The following RCOR1 variants were observed in gnomAD, a reference collection of about 807,000 sequenced individuals.
The protein encoded by RCOR1 is REST corepressor.
RCOR1 carries 12 observed loss-of-function variants against 64.0 expected under a neutral mutation model. The observed-to-expected ratio is 0.19, with a 90% CI of 0.12 to 0.30. The LOEUF (loss-of-function observed/expected upper bound fraction) is 0.30. Ranked by LOEUF, RCOR1 falls within the 10% of genes least tolerant of loss-of-function variation. The pLI is 1.00. For synonymous variants in RCOR1, 279 were observed against 227.2 expected (o/e 1.23, Z -2.05); for missense variants, 502 against 621.2 (o/e 0.81, Z 2.04).
intron 2 of RCOR1, among the ~76,000 whole-genome samples, chr14:102,677,648 CG>C (rs1490497052): frequency 7.4e-6 from 1 of 135,900 alleles, no homozygotes; most frequent in African/African-American, 2.8e-5. Flanking sequence ...GGGATGGCGG[CG>C]GGGAAGAGGC....
intron 3 of RCOR1, among the ~76,000 whole-genome samples, chr14:102,690,135 C>G (rs1895501583): frequency 6.6e-6 from 1 of 151,374 alleles, no homozygotes; most frequent in Non-Finnish European, 1.5e-5. Context: ...TGTCAAAAGA[C>G]AAGTTTAAGT....
intron 2 of RCOR1, among the ~76,000 whole-genome samples, chr14:102,597,361 C>T (rs1483498807): frequency 2.6e-5 from 4 of 151,058 alleles, no homozygotes; most frequent in Non-Finnish European, 5.9e-5. Flanking sequence ...CAGAGTCTCG[C>T]TCTTTCACCC....
chr14:102,633,252 C>T (rs1894165429), intron 2 of RCOR1, among the ~76,000 whole-genome samples: 5 of 151,958 alleles, frequency 3.3e-5, no homozygotes, highest in South Asian at 2.1e-4. Flanking sequence ...TTACAAACAC[C>T]GAAAGTACAA....
chr14:102,624,374 C>T (rs1893938175), intron 2 of RCOR1, among the ~76,000 whole-genome samples: 1 of 151,622 alleles, frequency 6.6e-6, no homozygotes, highest in South Asian at 2.1e-4. Context: ...GGCGTGGTGC[C>T]ACCCACCTGT....
At chr14:102,658,566 C>A in intron 2 of RCOR1, 1 of 985,356 alleles carries the variant, frequency 1.0e-6, no homozygotes, top group Non-Finnish European at 1.2e-6. Flanking sequence ...TTCTCAGGAA[C>A]AGGATGGCTA....
intron 2 of RCOR1, among the ~76,000 whole-genome samples, chr14:102,620,047 T>C (rs1325261056): frequency 6.6e-6 from 1 of 152,222 alleles, no homozygotes; most frequent in East Asian, 1.9e-4. Context: ...TCATCATGTA[T>C]AACACAAATT....
intron 8 of RCOR1, among the ~76,000 whole-genome samples, chr14:102,715,448 C>G (rs1896051133): frequency 6.6e-6 from 1 of 152,028 alleles, no homozygotes; most frequent in African/African-American, 2.4e-5. Context: ...GCGGTGCGAT[C>G]TTGGCTCACT....
At chr14:102,656,308 T>A (rs1894722802) in intron 2 of RCOR1, among the ~76,000 whole-genome samples, 1 of 151,696 alleles carries the variant, frequency 6.6e-6, no homozygotes, top group African/African-American at 2.4e-5. Flanking sequence ...CTCAGCTAAT[T>A]TTTGTATTTC....
chr14:102,631,296 A>G (rs951290586), intron 2 of RCOR1, among the ~76,000 whole-genome samples: 6 of 149,264 alleles, frequency 4.0e-5, no homozygotes, highest in Non-Finnish European at 8.9e-5. Flanking sequence ...CTCGCCTCCC[A>G]GGTTCACGCC....
intron 2 of RCOR1, among the ~76,000 whole-genome samples, chr14:102,598,114 G>A (rs954395494): frequency 6.6e-6 from 1 of 152,218 alleles, no homozygotes; most frequent in Non-Finnish European, 1.5e-5. Context: ...GAGCCACTGC[G>A]CAGCCCTAAT....
chr14:102,667,311 G>A (rs1354058139), intron 2 of RCOR1, among the ~76,000 whole-genome samples: 1 of 152,056 alleles, frequency 6.6e-6, no homozygotes, highest in East Asian at 1.9e-4. Flanking sequence ...GACCAGCCTG[G>A]CCAACATGGT....
chr14:102,722,143 T>A, intron 10 of RCOR1, 44 bp from the exon 11 acceptor site: 1 of 1,484,426 alleles, frequency 6.7e-7, no homozygotes, highest in Non-Finnish European at 9.4e-7. Context: ...TTTAAAAAAA[T>A]GTTTTTCTCT....
At chr14:102,723,244 T>C (rs1896197195) in intron 11 of RCOR1, among the ~76,000 whole-genome samples, 1 of 152,226 alleles carries the variant, frequency 6.6e-6, no homozygotes, top group Non-Finnish European at 1.5e-5. Flanking sequence ...ACTGGAATGT[T>C]TTGAGATTAC....
intron 2 of RCOR1, among the ~76,000 whole-genome samples, chr14:102,639,048 A>G (rs1894303552): frequency 1.3e-5 from 2 of 152,174 alleles, no homozygotes; most frequent in Non-Finnish European, 2.9e-5. Flanking sequence ...ACTGTTCATG[A>G]CTGTATCCAT....
At chr14:102,710,135 A>G (rs748267221) in intron 6 of RCOR1, among the ~76,000 whole-genome samples, 1 of 152,232 alleles carries the variant, frequency 6.6e-6, no homozygotes, top group Non-Finnish European at 1.5e-5. Context: ...TTCCTCAGCT[A>G]GAGCTTCCTG....
chr14:102,631,686 T>A (rs1402263137), intron 2 of RCOR1, among the ~76,000 whole-genome samples: 8 of 152,200 alleles, frequency 5.3e-5, no homozygotes, highest in African/African-American at 1.9e-4. Context: ...GCAGTTCTCC[T>A]AATGTGAAAA....
At position 102,726,712 on chromosome 14, in the gene RCOR1, CT is replaced by C; in HGVS notation, c.*207del. The C allele has an allele frequency of 1.8e-6, 1 of 563,958 alleles. No individual in the cohort carries two copies. Among genetic ancestry groups the C allele is most frequent in the Non-Finnish European group, 3.1e-6 (1 of 324,034 alleles). The allele number at this position is 563,958 out of a possible 1,614,324, so 34.9% of individuals were successfully genotyped here. On this transcript the variant is annotated 3_prime_UTR_variant, in exon 12 of 12. Transcript: ENST00000262241. Reference sequence around the variant, plus strand: ...TGGCGCCACTTCCCAGAGAGCTCCACTGCATCTCACACTCTGCCCACGTGCT... The same window carrying C: ...TGGCGCCACTTCCCAGAGAGCTCCACGCATCTCACACTCTGCCCACGTGCT...
At chr14:102,698,370 G>C (rs1895687153) in intron 3 of RCOR1, among the ~76,000 whole-genome samples, 1 of 152,186 alleles carries the variant, frequency 6.6e-6, no homozygotes, top group South Asian at 2.1e-4. Context: ...CCTGTGCTGG[G>C]CCACTCCAGG....
chr14:102,718,944 A>T (rs547938858), intron 8 of RCOR1, among the ~76,000 whole-genome samples: 1 of 152,104 alleles, frequency 6.6e-6, no homozygotes, highest in Non-Finnish European at 1.5e-5. Context: ...GAGCACCACC[A>T]CACCTGGCTA....
Sources: gnomAD v4.1 joint callset for allele counts (sites outside exome capture counted in the v4.1 genomes callset) on GRCh38, gnomAD v4.1.1 for gene constraint, MANE v1.5 for transcripts, NCBI Gene and HGNC (gene_info 2026-07-23, HGNC 2026-07-21) for gene names.